The following PTPRD variants were observed in gnomAD, a reference collection of about 807,000 sequenced individuals.
PTPRD encodes the protein protein tyrosine phosphatase receptor type D.
A neutral mutation model predicts 214.5 loss-of-function variants in PTPRD; 34 were observed. The ratio of observed to expected loss-of-function variants is 0.16; its 90% confidence interval spans 0.12 to 0.21. The LOEUF is 0.21. PTPRD is among the 10% of genes least tolerant of loss of function. PTPRD has a pLI of 1.00. For synonymous variants in PTPRD, 1,128 were observed against 845.7 expected (o/e 1.33, Z -5.79); for missense variants, 2,545 against 2,398.7 (o/e 1.06, Z -1.27).
chr9:9,107,377 A>G (rs1209148891), intron 10 of PTPRD, among the ~76,000 whole-genome samples: 1 of 152,216 alleles, frequency 6.6e-6, no homozygotes, highest in African/African-American at 2.4e-5. Flanking sequence ...TTGATTGCCA[A>G]TAAGTGTTTG....
intron 36 of PTPRD, among the ~76,000 whole-genome samples, chr9:8,392,463 C>T (rs2089927937): frequency 6.6e-6 from 1 of 152,062 alleles, no homozygotes; most frequent in African/African-American, 2.4e-5. Context: ...GAAGTCAAGG[C>T]TGCAGTGAGC....
chr9:8,497,146 G>T, intron 26 of PTPRD, 96 bp downstream of exon 26: 1 of 1,094,268 alleles, frequency 9.1e-7, no homozygotes, highest in Non-Finnish European at 1.3e-6. Flanking sequence ...ATGCATCCAA[G>T]CAAACTGTGA....
chr9:10,085,949 T>C (rs78878485), intron 3 of PTPRD, among the ~76,000 whole-genome samples: 9 of 151,890 alleles, frequency 5.9e-5, no homozygotes, highest in East Asian at 5.9e-4. Context: ...TGAGGCTAAA[T>C]AGATAAAAAC....
intron 8 of PTPRD, among the ~76,000 whole-genome samples, chr9:9,526,980 G>T (rs1280174596): frequency 6.6e-6 from 1 of 152,018 alleles, no homozygotes; most frequent in Non-Finnish European, 1.5e-5. Context: ...TAAGGTCAAA[G>T]GTCTTCAGTT....
At chr9:10,430,838 T>G (rs2098670587) in intron 2 of PTPRD, among the ~76,000 whole-genome samples, 1 of 151,966 alleles carries the variant, frequency 6.6e-6, no homozygotes, top group African/African-American at 2.4e-5. Flanking sequence ...ATACCCCTTT[T>G]TTATCCCTGA....
chr9:8,329,263 T>TAACA (rs1554691654), intron 44 of PTPRD, among the ~76,000 whole-genome samples: 4 of 152,150 alleles, frequency 2.6e-5, no homozygotes, highest in Admixed American at 1.3e-4. Context: ...ATTTTCCTTC[T>TAACA]AACAAACACC....
intron 2 of PTPRD, among the ~76,000 whole-genome samples, chr9:10,416,629 C>G (rs1307532221): frequency 6.6e-6 from 1 of 151,518 alleles, no homozygotes; most frequent in Non-Finnish European, 1.5e-5. Flanking sequence ...TAGAAAACAA[C>G]TGTTGGTATG....
intron 2 of PTPRD, among the ~76,000 whole-genome samples, chr9:10,561,379 G>A (rs969086447): frequency 1.3e-5 from 2 of 152,096 alleles, no homozygotes; most frequent in South Asian, 4.1e-4. Context: ...ATTCCCTTTA[G>A]TATGTTTGAT....
chr9:10,238,764 A>C (rs1277795960), intron 3 of PTPRD, among the ~76,000 whole-genome samples: 2 of 151,954 alleles, frequency 1.3e-5, no homozygotes, highest in Non-Finnish European at 2.9e-5. Flanking sequence ...TTTGTTAATT[A>C]TGAGTTTTGA....
intron 9 of PTPRD, among the ~76,000 whole-genome samples, chr9:9,243,137 C>T (rs771271525): frequency 2.6e-5 from 4 of 152,162 alleles, no homozygotes; most frequent in East Asian, 3.9e-4. Flanking sequence ...GTATCAGCAG[C>T]GGAGGCTGCA....
At chr9:9,353,314 G>A (rs950426766) in intron 9 of PTPRD, among the ~76,000 whole-genome samples, 6 of 151,876 alleles carry the variant, frequency 4.0e-5, no homozygotes, top group African/African-American at 1.5e-4. Context: ...AATGAACATA[G>A]AATCATAGGT....
intron 9 of PTPRD, among the ~76,000 whole-genome samples, chr9:9,234,648 C>G (rs1000631442): frequency 6.6e-6 from 1 of 152,186 alleles, no homozygotes; most frequent in Non-Finnish European, 1.5e-5. Context: ...TAAATCAACT[C>G]TCTCAAGTTC....
intron 10 of PTPRD, among the ~76,000 whole-genome samples, chr9:9,047,505 C>A (rs998355373): frequency 6.6e-6 from 1 of 152,062 alleles, no homozygotes; most frequent in Non-Finnish European, 1.5e-5. Context: ...TCAGACTATA[C>A]TACAGAGCTA....
At chr9:8,574,596 T>A (rs1021039375) in intron 14 of PTPRD, among the ~76,000 whole-genome samples, 26 of 152,160 alleles carry the variant, frequency 1.7e-4, no homozygotes, top group South Asian at 1.7e-3. Flanking sequence ...AAATAAAGGC[T>A]AACCACTAAG....
intron 3 of PTPRD, among the ~76,000 whole-genome samples, chr9:10,179,850 A>G (rs556347475): frequency 6.6e-6 from 1 of 152,218 alleles, no homozygotes; most frequent in African/African-American, 2.4e-5. Flanking sequence ...TGATACTATT[A>G]TTTAGGTTTA....
At chr9:10,471,807 T>A (rs1161938714) in intron 2 of PTPRD, among the ~76,000 whole-genome samples, 1 of 152,072 alleles carries the variant, frequency 6.6e-6, no homozygotes, top group Non-Finnish European at 1.5e-5. Flanking sequence ...ATTTATAAAA[T>A]CAATTTTAGC....
intron 10 of PTPRD, among the ~76,000 whole-genome samples, chr9:9,046,489 A>G (rs1238727196): frequency 6.6e-6 from 1 of 152,220 alleles, no homozygotes; most frequent in African/African-American, 2.4e-5. Context: ...GACAAAGCAT[A>G]TCTACACTCC....
At chr9:8,829,108 A>G (rs1387192420) in intron 11 of PTPRD, among the ~76,000 whole-genome samples, 1 of 152,172 alleles carries the variant, frequency 6.6e-6, no homozygotes, top group Non-Finnish European at 1.5e-5. Context: ...AAATTATTTT[A>G]TTTTTATAAT....
intron 2 of PTPRD, among the ~76,000 whole-genome samples, chr9:10,446,651 T>C (rs1013960245): frequency 2.0e-5 from 3 of 152,080 alleles, no homozygotes; most frequent in African/African-American, 7.2e-5. Flanking sequence ...GTTTAGATAT[T>C]TTGTGTGCAT....
Sources: gnomAD v4.1 joint callset for allele counts (sites outside exome capture counted in the v4.1 genomes callset) on GRCh38, gnomAD v4.1.1 for gene constraint, MANE v1.5 for transcripts, NCBI Gene and HGNC (gene_info 2026-07-23, HGNC 2026-07-21) for gene names.